The following COL27A1 variants were observed in gnomAD, a reference collection of about 807,000 sequenced individuals.
COL27A1 encodes collagen alpha-1(XXVII) chain.
A neutral mutation model predicts 251.3 loss-of-function variants in COL27A1; 106 were observed. That is an observed-to-expected ratio of 0.42 (90% CI 0.36 to 0.50). COL27A1 has a LOEUF of 0.50. Ranked by LOEUF, COL27A1 falls within the 20% of genes least tolerant of loss-of-function variation. COL27A1 has a pLI of 0.00. For synonymous variants in COL27A1, 1,000 were observed against 986.3 expected, an observed-to-expected ratio of 1.01 and a Z score of -0.26; for missense variants, 2,325 against 2,522.8, an observed-to-expected ratio of 0.92 and a Z score of 1.68.
intron 7 of COL27A1, among the ~76,000 whole-genome samples, chr9:114,198,601 A>G (rs1440131289): frequency 6.6e-6 from 1 of 152,166 alleles, no homozygotes; most frequent in African/African-American, 2.4e-5. Flanking sequence ...TAGGATTCGA[A>G]CCCAGGTCTT....
At chr9:114,210,837 A>G (rs1830303398) in intron 11 of COL27A1, 145 bp from the exon 12 acceptor site, 3 of 722,912 alleles carry the variant, frequency 4.1e-6, no homozygotes, top group Non-Finnish European at 4.9e-6. Flanking sequence ...TCTGATGTGC[A>G]TGTCACTGGG....
chr9:114,237,698 G>C lies in COL27A1; in HGVS notation c.2710G>C (p.Gly904Arg). ...AGACAAAGGATCCATTGGGTTTCCC[G>C]GGCCCCCTGGACCCGAGGTATGTGA... ...VGDKGSIGFPGPPGPEGFPGD... is the reference protein window; with the variant it reads ...VGDKGSIGFPRPPGPEGFPGD... Residue 904 changes from glycine (G) to arginine (R), a missense_variant, in exon 19 of 61, where the codon GGG (glycine) becomes CGG (arginine). Physicochemically the swap from Gly to Arg is moderately radical, Grantham distance 125. Coordinates refer to ENST00000356083, the MANE Select transcript of COL27A1 (RefSeq NM_032888.4). 6.2e-7 allele frequency: 1 copy of C among 1,614,070 alleles called. No individual in the cohort carries two copies. The highest frequency in any genetic ancestry group is 8.5e-7 in the Non-Finnish European group (1 of 1,179,980).
intron 28 of COL27A1, among the ~76,000 whole-genome samples, chr9:114,259,237 T>A (rs1834151107): frequency 6.6e-6 from 1 of 152,076 alleles, no homozygotes; most frequent in Non-Finnish European, 1.5e-5. Context: ...GGGATGGGGC[T>A]GGGACTTAGC....
At chr9:114,178,250 A>G (rs1410323366) in intron 3 of COL27A1, 41 bp from the exon 4 acceptor site, 1 of 1,552,586 alleles carries the variant, frequency 6.4e-7, no homozygotes, top group Non-Finnish European at 8.9e-7. Flanking sequence ...CTCTGCTGCC[A>G]GTGGGCACTG....
chr9:114,200,740 G>T (rs1302587773), intron 7 of COL27A1, among the ~76,000 whole-genome samples: 1 of 152,228 alleles, frequency 6.6e-6, no homozygotes, highest in Non-Finnish European at 1.5e-5. Flanking sequence ...CACATAATAA[G>T]ACCCTCTACT....
In COL27A1 at chr9:114,205,802, C is replaced by G; in HGVS notation, c.2213C>G (p.Pro738Arg). 6.2e-7 allele frequency: 1 copy of G among 1,613,418 alleles called. No individual in the cohort carries two copies. The highest frequency in any genetic ancestry group is 2.2e-5 in the East Asian group (1 of 44,882). The change falls in exon 9 of 61, where the codon CCT (proline) becomes CGT (arginine). Residue 738 changes from proline (P) to arginine (R), a missense_variant. By Grantham distance (103) the Pro-to-Arg change is moderately radical. Coordinates refer to ENST00000356083, the MANE Select transcript of COL27A1 (RefSeq NM_032888.4). ...PEGSPGAKGY[P>R]GRQGLPGPVG... is the part of the protein sequence containing the mutation. ...GGCAGCCCAGGGGCCAAAGGTTACC[C>G]TGGCAGGCAGGTGCAGTATATGGCT...
chr9:114,226,064 C>CA lies in COL27A1; in HGVS notation c.2466+3798dup, dbSNP rs1831450338. Among the ~76,000 whole-genome samples the CA allele has an allele frequency of 3.3e-5, 5 of 152,060 alleles. No individual in the cohort carries two copies. The South Asian group carries it at 1.0e-3, about 32-fold the overall frequency. On this transcript the variant is annotated intron_variant, in intron 14 of 60. Transcript: ENST00000356083. Reference sequence around the variant, plus strand: ...TCTTTGAGTAACTGAAACCCTTTGGCAGGCCCTCAAGAAAACTGTGCCTGA... The same window carrying CA: ...TCTTTGAGTAACTGAAACCCTTTGGCAAGGCCCTCAAGAAAACTGTGCCTGA...
At chr9:114,309,553 C>G in intron 60 of COL27A1, 75 bp downstream of exon 60, 2 of 1,103,292 alleles carry the variant, frequency 1.8e-6, no homozygotes, top group Non-Finnish European at 2.7e-6. Context: ...AAATGTGTTT[C>G]TATTATAAGA....
intron 5 of COL27A1, among the ~76,000 whole-genome samples, chr9:114,188,973 T>C (rs1478405796): frequency 4.6e-5 from 7 of 152,212 alleles, no homozygotes; most frequent in Non-Finnish European, 2.9e-5. Context: ...ACCTTACAAA[T>C]ATTTTCTAGT....
intron 40 of COL27A1, among the ~76,000 whole-genome samples, chr9:114,284,371 C>A (rs570909500): frequency 7.7e-4 from 117 of 152,334 alleles, no homozygotes; most frequent in Non-Finnish European, 1.3e-3. Context: ...GGTGTCCATA[C>A]CTGCAGGCCT....
At chr9:114,249,454 A>G (rs578110802) in intron 24 of COL27A1, among the ~76,000 whole-genome samples, 1 of 152,280 alleles carries the variant, frequency 6.6e-6, no homozygotes, top group East Asian at 1.9e-4. Flanking sequence ...GGCCCTGTTC[A>G]CAGCCACATG....
In COL27A1 at chr9:114,301,450, G is replaced by C. The variant is rs761692511; in HGVS notation, c.4797G>C (p.Leu1599Phe). 9 of 1,606,672 alleles carry C rather than the reference G, an allele frequency of 5.6e-6. No homozygotes were observed. Among genetic ancestry groups the C allele is most frequent in the Middle Eastern group, 2.1e-4 (1 of 4,720 alleles). Reference protein sequence around the residue: ...GDKGSRGDWGLQGPRGPPGPR... With the variant: ...GDKGSRGDWGFQGPRGPPGPR... ...CTGCTTCTGTCTCCCTCCAGGGATTGCAAGGTCCGAGGGTGAGTGGGCTGG... is the reference window on the plus strand; with the variant it reads ...CTGCTTCTGTCTCCCTCCAGGGATTCCAAGGTCCGAGGGTGAGTGGGCTGG... Residue 1599 changes from leucine to phenylalanine, a missense_variant, in exon 54 of 61, where the codon TTG becomes TTC. Leu to Phe is a conservative substitution (Grantham distance 22). Coordinates refer to ENST00000356083, the MANE Select transcript of COL27A1 (RefSeq NM_032888.4).
chr9:114,228,329 G>T (rs1831661172), intron 14 of COL27A1, among the ~76,000 whole-genome samples: 1 of 152,216 alleles, frequency 6.6e-6, no homozygotes, highest in African/African-American at 2.4e-5. Context: ...CTGGCCCCCG[G>T]CAGAGAAAGA....
At position 114,269,277 on chromosome 9, in the gene COL27A1, G is replaced by A. The variant is rs1173148488; in HGVS notation, c.3538G>A (p.Gly1180Ser). The change falls in exon 35 of 61, where the codon GGC (glycine) becomes AGC (serine). Residue 1180 changes from glycine to serine, a missense_variant. Around this residue, in one of 4 missense-constraint regions of COL27A1, gnomAD observed 662 missense variants for 795.3 expected, o/e 0.83. Coordinates refer to ENST00000356083, the MANE Select transcript of COL27A1 (RefSeq NM_032888.4). ...LGPLGTPGEQ[G>S]LIGQRGEPGL... ...ACCCCTGGGCACTCCTGGGGAGCAG[G>A]GCCTCATTGGGCAACGGGTAAGTTG... 6.2e-7 allele frequency: 1 copy of A among 1,607,134 alleles called. No homozygotes were observed. The highest frequency in any genetic ancestry group is 1.3e-5 in the African/African-American group (1 of 74,552).
chr9:114,253,387 A>AAGAAAGAAAGAAAGAAAG (rs10652861), intron 27 of COL27A1, among the ~76,000 whole-genome samples: 1 of 145,158 alleles, frequency 6.9e-6, no homozygotes, highest in African/African-American at 2.7e-5. Flanking sequence ...GAAAGAAAGA[A>AAGAAAGAAAGAAAGAAAG]AAAAGAAAGA....
intron 7 of COL27A1, among the ~76,000 whole-genome samples, chr9:114,198,608 T>C (rs560795964): frequency 6.6e-6 from 1 of 152,286 alleles, no homozygotes; most frequent in East Asian, 1.9e-4. Context: ...CGAACCCAGG[T>C]CTTCTGACCC....
At chr9:114,225,808 C>T (rs895468748) in intron 14 of COL27A1, among the ~76,000 whole-genome samples, 2 of 152,246 alleles carry the variant, frequency 1.3e-5, no homozygotes, top group African/African-American at 2.4e-5. Context: ...TTCCGTCCCC[C>T]GGGTCCCTGC....
At chr9:114,154,360 G>A (rs1588530342), upstream of COL27A1, among the ~76,000 whole-genome samples, 1 of 152,254 alleles carries the variant, frequency 6.6e-6, no homozygotes, top group Non-Finnish European at 1.5e-5. The surrounding 1 kb of genome is among the most constrained non-coding windows in gnomAD (Gnocchi z 5.8). Flanking sequence ...AGCCTCGCAC[G>A]TAGGGACCCA....
chr9:114,301,793 G>A (rs1588896786), intron 55 of COL27A1, 76 bp downstream of exon 55: 1 of 1,428,172 alleles, frequency 7.0e-7, no homozygotes, highest in South Asian at 1.2e-5. Context: ...TTCACCGGCA[G>A]ACTAAGCCTT....
Sources: gnomAD v4.1 joint callset for allele counts (sites outside exome capture counted in the v4.1 genomes callset) on GRCh38, gnomAD v4.1.1 for gene constraint, gnomAD v4.1.1 regional missense constraint, Gnocchi (gnomAD v3.1) non-coding constraint, MANE v1.5 for transcripts, NCBI Gene and HGNC (gene_info 2026-07-23, HGNC 2026-07-21) for gene names.